The following DZIP1L variants were observed in gnomAD, a reference collection of about 807,000 sequenced individuals.
DZIP1L encodes DAZ interacting zinc finger protein 1 like.
Under a neutral mutation model 88.7 loss-of-function variants are expected in DZIP1L, and 90 were observed. The ratio of observed to expected loss-of-function variants is 1.02; its 90% CI spans 0.86 to 1.21. DZIP1L has a LOEUF of 1.21. Ranked by LOEUF, DZIP1L falls within the 50% of genes most tolerant of loss-of-function variation. DZIP1L has a pLI of 0.00. For synonymous variants in DZIP1L, 363 were observed against 372.1 expected (o/e 0.98, Z 0.28); for missense variants, 932 against 955.8 (o/e 0.98, Z 0.33).
At chr3:138,105,862 T>G (rs1163253938) in intron 1 of DZIP1L, among the ~76,000 whole-genome samples, 1 of 152,152 alleles carries the variant, frequency 6.6e-6, no homozygotes, top group East Asian at 1.9e-4. Context: ...AAGCATAGAC[T>G]GTTTCTGGAA....
chr3:138,108,302 G>A (rs1170772528), intron 1 of DZIP1L: 11 of 867,608 alleles, frequency 1.3e-5, no homozygotes, highest in Non-Finnish European at 1.5e-5. Flanking sequence ...GTGGGCAAGG[G>A]TAATAAGACA....
intron 6 of DZIP1L, among the ~76,000 whole-genome samples, chr3:138,087,646 G>A (rs1455118524): frequency 6.6e-6 from 1 of 152,212 alleles, no homozygotes; most frequent in African/African-American, 2.4e-5. Context: ...TCTTTATAAT[G>A]TGAAACCTGT....
chr3:138,080,562 C>T lies in DZIP1L; in HGVS notation c.1288+5G>A. 1 of 1,613,670 alleles carries T rather than the reference C, an allele frequency of 6.2e-7. No homozygotes were observed. The highest frequency in any genetic ancestry group is 8.5e-7 in the Non-Finnish European group (1 of 1,179,660). ...GGACACCCAGGAAAGAAAGTAAGGT[C>T]CCACCTTCCTCTGGAGAGTCCTCCT... On this transcript the variant is annotated splice_donor_5th_base_variant and intron_variant, in intron 10 of 15. Transcript: ENST00000327532.
At chr3:138,080,982 C>A (rs1943619749) in intron 9 of DZIP1L, among the ~76,000 whole-genome samples, 1 of 152,196 alleles carries the variant, frequency 6.6e-6, no homozygotes, top group Admixed American at 6.5e-5. Flanking sequence ...TGCTCTAGCT[C>A]CATCCCTCAA....
chr3:138,092,609 C>G (rs909203642), intron 4 of DZIP1L, 65 bp from the exon 5 acceptor site: 1 of 1,447,202 alleles, frequency 6.9e-7, no homozygotes, highest in South Asian at 1.5e-5. Flanking sequence ...TTACTAAGAA[C>G]CTACTTAGGC....
intron 11 of DZIP1L, among the ~76,000 whole-genome samples, chr3:138,076,218 C>T (rs898721778): frequency 6.6e-6 from 1 of 152,146 alleles, no homozygotes; most frequent in African/African-American, 2.4e-5. Context: ...TGTGATACCA[C>T]CTCACCCCTA....
intron 12 of DZIP1L, among the ~76,000 whole-genome samples, chr3:138,068,609 C>T (rs983016675): frequency 6.6e-6 from 1 of 152,126 alleles, no homozygotes; most frequent in African/African-American, 2.4e-5. Flanking sequence ...GCTCCAGGGT[C>T]GTGTTGTCAT....
intron 2 of DZIP1L, chr3:138,102,525 C>T (rs1395164769): frequency 7.3e-7 from 1 of 1,362,126 alleles, no homozygotes; most frequent in Non-Finnish European, 1.0e-6. Context: ...AACTCTGAGC[C>T]GTCTTCTGCT....
chr3:138,106,868 AAGAG>A (rs1167634446), intron 1 of DZIP1L, among the ~76,000 whole-genome samples: 4 of 95,582 alleles, frequency 4.2e-5, no homozygotes, highest in East Asian at 3.2e-4. Flanking sequence ...CCAAAAAAAA[AAGAG>A]AGAGAGAGAG....
intron 5 of DZIP1L, among the ~76,000 whole-genome samples, chr3:138,091,279 G>A (rs1230695105): frequency 6.6e-6 from 1 of 152,040 alleles, no homozygotes; most frequent in African/African-American, 2.4e-5. Flanking sequence ...TCTTAGCTAA[G>A]TGACCTTGGG....
intron 10 of DZIP1L, among the ~76,000 whole-genome samples, chr3:138,079,963 T>C (rs554209619): frequency 6.6e-5 from 10 of 152,290 alleles, no homozygotes; most frequent in South Asian, 2.1e-4. Flanking sequence ...ATCCCTAAGA[T>C]CTTCTTGCAG....
Position 138,063,033 on chromosome 3 carries a change from G to A in DZIP1L, c.2143-56C>T. The stretch of plus-strand genomic sequence containing the variant: ...ATTTTGATAAGGGAGGAGGGTGGCT[G>A]AGAGCTAAGCACATTGCAGGATGGG... On this transcript the variant is annotated intron_variant, in intron 15 of 15. Coordinates refer to ENST00000327532, the MANE Select transcript of DZIP1L (RefSeq NM_173543.3). The surrounding 1 kb of genome is among the most constrained non-coding windows in gnomAD (Gnocchi z 4.1). 1 of 1,588,450 alleles carries A rather than the reference G, an allele frequency of 6.3e-7. No homozygotes were observed. The highest frequency in any genetic ancestry group is 8.6e-7 in the Non-Finnish European group (1 of 1,166,568).
At chr3:138,064,905 C>T (rs1942830205) in intron 14 of DZIP1L, 138 bp from the exon 15 acceptor site, 1 of 1,290,738 alleles carries the variant, frequency 7.7e-7, no homozygotes, top group Non-Finnish European at 1.1e-6. Context: ...TGAGCAACCA[C>T]AAAAAAGGAG....
chr3:138,072,494 A>G (rs1468529758), intron 11 of DZIP1L, among the ~76,000 whole-genome samples: 1 of 150,212 alleles, frequency 6.7e-6, no homozygotes, highest in Non-Finnish European at 1.5e-5. Context: ...CTAGTTGTCT[A>G]TTTTTTTTTT....
intron 14 of DZIP1L, among the ~76,000 whole-genome samples, chr3:138,065,412 G>A (rs1049252089): frequency 2.6e-5 from 4 of 152,208 alleles, no homozygotes; most frequent in Admixed American, 6.5e-5. Flanking sequence ...AAGGGCCTAC[G>A]ATGTAGCAGG....
chr3:138,110,506 A>G (rs895221221), intron 1 of DZIP1L, among the ~76,000 whole-genome samples: 1 of 152,204 alleles, frequency 6.6e-6, no homozygotes, highest in African/African-American at 2.4e-5. Context: ...GATTATCACC[A>G]TAAATCCCTG....
chr3:138,107,368 C>T (rs1388664759), intron 1 of DZIP1L, among the ~76,000 whole-genome samples: 1 of 152,180 alleles, frequency 6.6e-6, no homozygotes, highest in African/African-American at 2.4e-5. Flanking sequence ...CTTATGCTTT[C>T]TTGACCTTCC....
intron 8 of DZIP1L, 65 bp downstream of exon 8, chr3:138,084,048 G>C: frequency 1.9e-6 from 3 of 1,578,142 alleles, no homozygotes; most frequent in South Asian, 2.4e-5. Context: ...AAGAATCCAA[G>C]GAGATCCTCA....
intron 2 of DZIP1L, 69 bp downstream of exon 2, chr3:138,103,402 G>T: frequency 6.6e-7 from 1 of 1,515,842 alleles, no homozygotes; most frequent in Non-Finnish European, 8.9e-7. Flanking sequence ...GCTGCCCAGT[G>T]GCAACAGTTG....
Sources: gnomAD v4.1 joint callset for allele counts (sites outside exome capture counted in the v4.1 genomes callset) on GRCh38, gnomAD v4.1.1 for gene constraint, Gnocchi (gnomAD v3.1) non-coding constraint, MANE v1.5 for transcripts, NCBI Gene and HGNC (gene_info 2026-07-23, HGNC 2026-07-21) for gene names.